TMC6: variants seen among roughly 807,000 people sequenced by gnomAD.
The protein encoded by TMC6 is transmembrane channel like 6, also known as transmembrane channel-like protein 6.
Under a neutral mutation model 95.4 loss-of-function variants are expected in TMC6, and 71 were observed. The ratio of observed to expected loss-of-function variants is 0.74; its 90% confidence interval spans 0.61 to 0.91. The LOEUF (loss-of-function observed/expected upper bound fraction) is 0.91, where lower values mean the gene tolerates loss of function less well. Among genes scored for constraint, TMC6 ranks in the 40% least tolerant of loss-of-function variants. The probability of loss-of-function intolerance (pLI) is 0.00; values close to 1 mark genes in which losing one functional copy is unlikely to be tolerated. For missense variants in TMC6, 1,074 were observed against 1,079.1 expected (o/e 1.00, Z 0.07); for synonymous variants, 514 against 483.1 (o/e 1.06, Z -0.84).
At chr17:78,127,947 C>T (rs1293397490) in intron 1 of TMC6, among the ~76,000 whole-genome samples, 1 of 152,202 alleles carries the variant, frequency 6.6e-6, no homozygotes, top group Non-Finnish European at 1.5e-5. Flanking sequence ...GGCGGCCCCA[C>T]CCAGCCTAAC....
chr17:78,116,484 G>C (rs1226215432), intron 18 of TMC6, among the ~76,000 whole-genome samples: 1 of 151,964 alleles, frequency 6.6e-6, no homozygotes, highest in Admixed American at 6.6e-5. Context: ...TGTTGCCCAG[G>C]CTGGTCTCGA....
chr17:78,126,053 T>C, intron 4 of TMC6, 169 bp from the exon 5 acceptor site: 1 of 1,161,490 alleles, frequency 8.6e-7, no homozygotes, highest in Non-Finnish European at 1.2e-6. Flanking sequence ...TTTTACCCCG[T>C]GATGACTCTG....
upstream of TMC6, chr17:78,131,721 G>C (rs779552203): frequency 2.0e-5 from 32 of 1,584,790 alleles, no homozygotes; most frequent in Admixed American, 5.6e-4. Context: ...TGCCATGATG[G>C]ACAAGCGCCT....
Position 78,122,303 on chromosome 17 carries a change from C to T in TMC6, c.1227+302G>A, listed in dbSNP as rs2074452956. On this transcript the variant is annotated intron_variant, in intron 10 of 19. Coordinates refer to ENST00000590602, the MANE Select transcript of TMC6 (RefSeq NM_001127198.5). This position sits in a 1 kb window ranked among gnomAD's most constrained non-coding sequence, Gnocchi z 4.9. ...AACCAAGCTAACGCCAGCCAGGGAG[C>T]ATGTGCCAGCTGGGGCCTGAGGCCT... 6.6e-6 allele frequency among the ~76,000 whole-genome samples: 1 copy of T among 152,118 alleles called. No homozygotes were observed. The highest frequency in any genetic ancestry group is 2.1e-4 in the South Asian group (1 of 4,828).
Position 78,109,306 on chromosome 17 carries a change from G to T in TMC6, c.*3842C>A. 2.7e-6 allele frequency: 1 copy of T among 370,782 alleles called. No individual in the cohort carries two copies. Among genetic ancestry groups the T allele is most frequent in the Non-Finnish European group, 5.4e-6 (1 of 184,014 alleles). 23.0% of individuals were successfully genotyped at this position (370,782 alleles called of 1,614,324 possible). A position where few individuals can be genotyped will look rare whatever the true frequency, so the allele number is the denominator to read the frequency against. ...GAAGAGGGAAAACAGAGACAGTGGG[G>T]CATCCCGAGAAGATCCTCTGCAGGA... On this transcript the variant is annotated 3_prime_UTR_variant, in exon 20 of 20. Transcript: ENST00000590602.
chr17:78,120,749 C>T lies in TMC6; in HGVS notation c.1619G>A (p.Cys540Tyr). ...CTCCTGGCCCACAAAATCCTCCCAG[C>T]ACTGGCCCTGCAGGACGCCCACCCT... ...GRRVGVLQGQ[C>Y]WEDFVGQELY... Residue 540 changes from cysteine (C) to tyrosine (Y), a missense_variant, in exon 13 of 20, where the codon TGC (cysteine) becomes TAC (tyrosine). Cys to Tyr is a radical substitution (Grantham distance 194). Transcript: ENST00000590602. 6.2e-7 allele frequency: 1 copy of T among 1,613,684 alleles called. No individual in the cohort carries two copies. Among genetic ancestry groups the T allele is most frequent in the Non-Finnish European group, 8.5e-7 (1 of 1,179,980 alleles).
intron 9 of TMC6, 52 bp downstream of exon 9, chr17:78,123,933 GATGA>G (rs1387027331): frequency 6.9e-6 from 11 of 1,598,094 alleles, no homozygotes; most frequent in Non-Finnish European, 8.6e-6. Flanking sequence ...TGGGTCGAAA[GATGA>G]ATGGATGGAT....
chr17:78,126,054 G>T, intron 4 of TMC6, 170 bp from the exon 5 acceptor site: 1 of 1,147,862 alleles, frequency 8.7e-7, no homozygotes, highest in Non-Finnish European at 1.2e-6. Context: ...TTTACCCCGT[G>T]ATGACTCTGG....
chr17:78,123,854 T>C, intron 9 of TMC6, 135 bp downstream of exon 9: 3 of 1,178,902 alleles, frequency 2.5e-6, no homozygotes, highest in African/African-American at 1.5e-5. Context: ...GATAGTTGGA[T>C]AGGTGAGTGG....
At chr17:78,131,457 G>A (rs2074962665), upstream of TMC6, 1 of 1,320,078 alleles carries the variant, frequency 7.6e-7, no homozygotes, top group Non-Finnish European at 1.0e-6. Context: ...CGGCGCAGAG[G>A]GGACGGAAGG....
rs760413140 is a variant in TMC6, at chr17:78,117,563, C to T, written c.2103G>A (p.Leu701=). 6.3e-7 allele frequency: 1 copy of T among 1,592,960 alleles called. No homozygotes were observed. Among genetic ancestry groups the T allele is most frequent in the Admixed American group, 1.8e-5 (1 of 57,038 alleles). The stretch of plus-strand genomic sequence containing the variant: ...AGGAGACCCTGGGGCCTGCCGCCTC[C>T]AGGTGGCGCACCCACACCCTGCCGG... ...YEAGRVWVRH[L]EAAGPRVSWL... is the part of the protein sequence containing the mutation. The change falls in exon 17 of 20, where the codon CTG becomes CTA. Residue 701 remains leucine (L), a synonymous_variant. Transcript: ENST00000590602.
intron 18 of TMC6, among the ~76,000 whole-genome samples, chr17:78,115,614 G>GGAGCAAAGGGAGTGGGCAC (rs2074036862): frequency 1.4e-5 from 2 of 140,190 alleles, no homozygotes; most frequent in African/African-American, 5.4e-5. Flanking sequence ...CCTGGGCAGA[G>GGAGCAAAGGGAGTGGGCAC]AGGAGCGAAG....
At chr17:78,123,118 T>G in intron 9 of TMC6, 1 of 368,576 alleles carries the variant, frequency 2.7e-6, no homozygotes, top group African/African-American at 2.1e-5. Flanking sequence ...CACTCTTATC[T>G]AACCTTCCCC....
chr17:78,107,493 CTA>C lies in TMC6; in HGVS notation c.*5653_*5654del, dbSNP rs1396717777. On this transcript the variant is annotated 3_prime_UTR_variant, in exon 20 of 20. Transcript: ENST00000590602. The stretch of plus-strand genomic sequence containing the variant: ...TGTGTTTTTCATTTTTCAAAAGACA[CTA>C]TGGATGTCTACTTTGCACGCTGCGA... The C allele has an allele frequency of 6.6e-6, 1 of 152,184 alleles. No homozygotes were observed. Among genetic ancestry groups the C allele is most frequent in the Non-Finnish European group, 1.5e-5 (1 of 68,050 alleles). The allele number at this position is 152,184 out of a possible 1,614,324, so 9.4% of individuals were successfully genotyped here. A position where few individuals can be genotyped will look rare whatever the true frequency, so the allele number is the denominator to read the frequency against.
Position 78,128,112 on chromosome 17 carries a change from C to A in TMC6, c.-75+500G>T, listed in dbSNP as rs2748426. 6.6e-6 allele frequency among the ~76,000 whole-genome samples: 1 copy of A among 152,248 alleles called. No individual in the cohort carries two copies. Among genetic ancestry groups the A allele is most frequent in the Non-Finnish European group, 1.5e-5 (1 of 68,038 alleles). On this transcript the variant is annotated intron_variant, in intron 1 of 19. Transcript: ENST00000590602. This position sits in a 1 kb window ranked among gnomAD's most constrained non-coding sequence, Gnocchi z 4.0. ...CGCCCCGAGGCCCAGGCAAGTCCAG[C>A]GGAGTTTCCAGGCGCACCATTCCTG...
chr17:78,120,723 G>C lies in TMC6; in HGVS notation c.1645C>G (p.Leu549Val), dbSNP rs1436557187. The C allele has an allele frequency of 6.2e-7, 1 of 1,613,982 alleles. No individual in the cohort carries two copies. The highest frequency in any genetic ancestry group is 1.7e-5 in the Admixed American group (1 of 60,032). Residue 549 changes from leucine (L) to valine (V), a missense_variant, in exon 13 of 20, where the codon CTG becomes GTG. Leu to Val is a conservative substitution (Grantham distance 32). Transcript: ENST00000590602. ...AAGTCCATCACCAGGAACCGGTACA[G>C]CTCCTGGCCCACAAAATCCTCCCAG... Reference protein sequence around the residue: ...QCWEDFVGQELYRFLVMDFVL... With the variant: ...QCWEDFVGQEVYRFLVMDFVL...
chr17:78,126,108 G>C, intron 4 of TMC6, 169 bp downstream of exon 4: 1 of 1,137,936 alleles, frequency 8.8e-7, no homozygotes, highest in Non-Finnish European at 1.2e-6. Flanking sequence ...GGCTGTGCTG[G>C]GCCCCCAGGC....
intron 19 of TMC6, 151 bp from the exon 20 acceptor site, chr17:78,113,362 G>T: frequency 8.1e-7 from 1 of 1,228,576 alleles, no homozygotes. Flanking sequence ...AAATGGCCAG[G>T]CTCCGGAGGC....
chr17:78,126,607 G>C lies in TMC6; in HGVS notation c.98C>G (p.Ser33Cys). The C allele has an allele frequency of 6.2e-7, 1 of 1,613,674 alleles. No homozygotes were observed. The highest frequency in any genetic ancestry group is 8.5e-7 in the Non-Finnish European group (1 of 1,180,002). The change falls in exon 3 of 20, where the codon TCC becomes TGC. Residue 33 changes from serine to cysteine, a missense_variant. By Grantham distance (112) the Ser-to-Cys change is moderately radical. Transcript: ENST00000590602. ...CTGCTCCTGGATGAGCTGCTGGAAG[G>C]AGTCGTGCACTTCGCTTTCATCATA... Reference protein sequence around the residue: ...SPYDESEVHDSFQQLIQEQSQ... With the variant: ...SPYDESEVHDCFQQLIQEQSQ...
Sources: allele counts gnomAD v4.1 joint callset (sites outside exome capture counted in the v4.1 genomes callset), GRCh38; gene constraint gnomAD v4.1.1; non-coding constraint Gnocchi (gnomAD v3.1); transcripts MANE v1.5; gene names NCBI Gene and HGNC (gene_info 2026-07-23, HGNC 2026-07-21).